Variants in ZNF398 observed in about 807,000 individuals in gnomAD.
The protein encoded by ZNF398 is zinc finger DNA binding protein ZER6.
ZNF398 carries 18 observed loss-of-function variants against 41.9 expected under a neutral mutation model. That is an observed-to-expected ratio of 0.43 (90% CI 0.30 to 0.64). The LOEUF is 0.64. Among genes scored for constraint, ZNF398 ranks in the 30% least tolerant of loss-of-function variants. ZNF398 has a pLI of 0.14. For synonymous variants in ZNF398, 260 were observed against 308.8 expected, an observed-to-expected ratio of 0.84 and a Z score of 1.66; for missense variants, 669 against 822.8, an observed-to-expected ratio of 0.81 and a Z score of 2.29.
intron 2 of ZNF398, among the ~76,000 whole-genome samples, chr7:149,133,277 A>T (rs529765690): frequency 2.6e-5 from 4 of 151,848 alleles, no homozygotes; most frequent in African/African-American, 9.7e-5. Context: ...CCACACCCAG[A>T]TAACTTTTGT....
upstream of ZNF398, among the ~76,000 whole-genome samples, chr7:149,145,156 A>T (rs1056373147): frequency 6.6e-6 from 1 of 152,174 alleles, no homozygotes; most frequent in African/African-American, 2.4e-5. Flanking sequence ...TGATTTACAG[A>T]TAGTTATACT....
At position 149,178,947 on chromosome 7, in the gene ZNF398, A is replaced by T; in HGVS notation, c.1075A>T (p.Thr359Ser). Residue 359 changes from threonine to serine, a missense_variant, in exon 6 of 6, where the codon ACC (threonine) becomes TCC (serine). Thr to Ser is a moderately conservative substitution (Grantham distance 58). Transcript: ENST00000475153. ...GAATCTCAGCCAAGACATGTTGCTG[A>T]CCCACCAATGTAGCCATGCTACTGA... ...GKNLSQDMLL[T>S]HQCSHATEHP... The T allele has an allele frequency of 5.0e-6, 8 of 1,614,086 alleles. No homozygotes were observed. Among genetic ancestry groups the T allele is most frequent in the Non-Finnish European group, 5.9e-6 (7 of 1,180,002 alleles).
At chr7:149,153,811 A>G (rs1697956250) in intron 1 of ZNF398, 134 bp from the exon 2 acceptor site, 2 of 1,063,358 alleles carry the variant, frequency 1.9e-6, no homozygotes, top group Non-Finnish European at 2.6e-6. Flanking sequence ...AAGATGAGGC[A>G]TACGCAGGCA....
intron 2 of ZNF398, among the ~76,000 whole-genome samples, chr7:149,164,013 GAGGCA>G (rs1795171325): frequency 1.3e-5 from 2 of 152,160 alleles, no homozygotes; most frequent in African/African-American, 4.8e-5. Flanking sequence ...TTGGGAGGCT[GAGGCA>G]GGAGGATTGC....
rs765905027 is a variant in ZNF398 at position 149,179,156 on chromosome 7, C to G, written c.1284C>G (p.Pro428=). The G allele has an allele frequency of 6.2e-7, 1 of 1,613,898 alleles. No homozygotes were observed. The highest frequency in any genetic ancestry group is 8.5e-7 in the Non-Finnish European group (1 of 1,180,028). ...ATAACAGCACTGAGCGTCCTTTCCC[C>G]TGTCCTGATTGCCCCAAGCGCTTTG... ...RVHNSTERPF[P]CPDCPKRFAD... The change falls in exon 6 of 6, where the codon CCC becomes CCG. Residue 428 remains proline (P), a synonymous_variant. Transcript: ENST00000475153. This position sits in a 1 kb window ranked among gnomAD's most constrained non-coding sequence, Gnocchi z 6.1.
rs572114536 is a variant in ZNF398, at chr7:149,156,125, CA to C, written c.420+1787del. On this transcript the variant is annotated intron_variant, in intron 2 of 5. Coordinates refer to ENST00000475153, the MANE Select transcript of ZNF398 (RefSeq NM_170686.3). ...GGAAATACTAAGGCAGGGAGGGATG[CA>C]AGTGGCTTGGATGAGGGTAGCAGTT... Among the ~76,000 whole-genome samples the C allele has an allele frequency of 4.6e-5, 7 of 152,092 alleles. No individual in the cohort carries two copies. In the East Asian group the frequency reaches 1.4e-3, roughly 29 times the overall value.
At chr7:149,169,359 ACAGGCAT>A (rs1795284838) in intron 4 of ZNF398, among the ~76,000 whole-genome samples, 2 of 152,304 alleles carry the variant, frequency 1.3e-5, no homozygotes, top group Admixed American at 1.3e-4. Flanking sequence ...TGCTGGGATT[ACAGGCAT>A]GAGCCACCGT....
At chr7:149,133,702 TATACAC>T (rs1826651562) in intron 2 of ZNF398, among the ~76,000 whole-genome samples, 1 of 78,144 alleles carries the variant, frequency 1.3e-5, no homozygotes, top group Non-Finnish European at 2.5e-5. Context: ...TGTATATATA[TATACAC>T]ACATATATAT....
chr7:149,164,906 C>G (rs948994246), intron 2 of ZNF398, among the ~76,000 whole-genome samples: 19 of 151,968 alleles, frequency 1.3e-4, no homozygotes, highest in African/African-American at 4.4e-4. Flanking sequence ...CCAGCCTGAC[C>G]AACGTGGTGA....
chr7:149,154,311 C>T lies in ZNF398; in HGVS notation c.391C>T (p.Pro131Ser). The T allele has an allele frequency of 1.9e-6, 3 of 1,613,754 alleles. No individual in the cohort carries two copies. The highest frequency in any genetic ancestry group is 1.1e-5 in the South Asian group (1 of 91,070). The change falls in exon 2 of 6, where the codon CCT (proline) becomes TCT (serine). Residue 131 changes from proline (P) to serine (S), a missense_variant. Around this residue, in one of 3 missense-constraint regions of ZNF398, gnomAD observed 169 missense variants for 239.5 expected, o/e 0.71. Transcript: ENST00000475153. ...CAGGAACTTCTGGATCCTGCGGCTC[C>T]CTCCAGGTATTAAGGGAGATATCCC... Reference protein sequence around the residue: ...RNRNFWILRLPPGIKGDIPKV... With the variant: ...RNRNFWILRLSPGIKGDIPKV...
At chr7:149,135,389 C>CAAAAAAA (rs777888671) in intron 2 of ZNF398, among the ~76,000 whole-genome samples, 53 of 61,364 alleles carry the variant, frequency 8.6e-4, no homozygotes, top group African/African-American at 1.1e-3. Flanking sequence ...GACTCTGTCT[C>CAAAAAAA]AAAAAAAAAA....
intron 2 of ZNF398, among the ~76,000 whole-genome samples, chr7:149,140,191 C>T (rs752040370): frequency 6.6e-5 from 10 of 151,854 alleles, no homozygotes; most frequent in Non-Finnish European, 1.2e-4. Context: ...CAGGAACTTT[C>T]AAATAGTTAC....
At chr7:149,129,043 A>C (rs909310220) in intron 2 of ZNF398, 1 of 151,800 alleles carries the variant, frequency 6.6e-6, no homozygotes, top group African/African-American at 2.4e-5. Flanking sequence ...CTCGTGATCC[A>C]CCTACCTCGG....
At chr7:149,171,215 C>T (rs564174576) in intron 4 of ZNF398, among the ~76,000 whole-genome samples, 21 of 151,178 alleles carry the variant, frequency 1.4e-4, no homozygotes, top group Non-Finnish European at 2.1e-4. Flanking sequence ...CAGTAATATA[C>T]TTATAATACT....
rs1826989522 is a variant in ZNF398, at chr7:149,147,770, AG to A, written c.24+7del. 1 of 1,391,666 alleles carries A rather than the reference AG, an allele frequency of 7.2e-7. No homozygotes were observed. The highest frequency in any genetic ancestry group is 9.3e-7 in the Non-Finnish European group (1 of 1,070,918). The allele number at this position is 1,391,666 out of a possible 1,614,324, so 86.2% of individuals were successfully genotyped here. On this transcript the variant is annotated splice_donor_5th_base_variant and intron_variant, in intron 1 of 5. Coordinates refer to ENST00000475153, the MANE Select transcript of ZNF398 (RefSeq NM_170686.3). This position sits in a 1 kb window ranked among gnomAD's most constrained non-coding sequence, Gnocchi z 5.6. ...GGCTGAGGCGGCCCCGGCCCCGGTAAGGGCGGCCGCGCGCGAGTGTTGTGAG... is the reference window on the plus strand; with the variant it reads ...GGCTGAGGCGGCCCCGGCCCCGGTAAGGCGGCCGCGCGCGAGTGTTGTGAG...
At chr7:149,126,440 G>T (rs1826478507) in exon 1 of ZNF398, 2 of 743,344 alleles carry the variant, frequency 2.7e-6, no homozygotes, top group Non-Finnish European at 4.1e-6. Context: ...AGGGGCCCGG[G>T]CACCCTCCGT....
chr7:149,167,977 C>T (rs896289475), intron 4 of ZNF398, among the ~76,000 whole-genome samples: 2 of 152,002 alleles, frequency 1.3e-5, no homozygotes, highest in African/African-American at 4.8e-5. Flanking sequence ...ATAGTGAACA[C>T]CTGGATATCC....
chr7:149,136,640 T>A (rs533622615), intron 2 of ZNF398, among the ~76,000 whole-genome samples: 115 of 152,260 alleles, frequency 7.6e-4, no homozygotes, highest in African/African-American at 2.5e-3. Flanking sequence ...TGATCTAGGC[T>A]TACTGCAACC....
intron 2 of ZNF398, among the ~76,000 whole-genome samples, chr7:149,137,847 G>A (rs990209622): frequency 7.2e-5 from 11 of 152,042 alleles, no homozygotes; most frequent in African/African-American, 1.2e-4. Flanking sequence ...GAACCTAAAC[G>A]TATAAATAAG....
Sources: gnomAD v4.1 joint callset for allele counts (sites outside exome capture counted in the v4.1 genomes callset) on GRCh38, gnomAD v4.1.1 for gene constraint, gnomAD v4.1.1 regional missense constraint, Gnocchi (gnomAD v3.1) non-coding constraint, MANE v1.5 for transcripts, NCBI Gene and HGNC (gene_info 2026-07-23, HGNC 2026-07-21) for gene names.